The following IMMP2L variants were observed in gnomAD, a reference collection of about 807,000 sequenced individuals.
IMMP2L encodes the protein mitochondrial inner membrane protease subunit 2.
A neutral mutation model predicts 19.3 loss-of-function variants in IMMP2L; 18 were observed. That is an observed-to-expected ratio of 0.93 (90% confidence interval 0.64 to 1.38). The LOEUF (loss-of-function observed/expected upper bound fraction) is 1.38, where lower values mean the gene tolerates loss of function less well. IMMP2L is among the 40% of genes most tolerant of loss of function. The pLI, the probability that IMMP2L is intolerant of heterozygous loss-of-function variation, is 0.00. For synonymous variants in IMMP2L, 76 were observed against 73.0 expected (o/e 1.04, Z -0.21); for missense variants, 233 against 218.2 (o/e 1.07, Z -0.43).
chr7:111,023,186 G>C (rs1379493467), intron 3 of IMMP2L, among the ~76,000 whole-genome samples: 1 of 152,162 alleles, frequency 6.6e-6, no homozygotes, highest in Non-Finnish European at 1.5e-5. Flanking sequence ...GCAAGTTCTG[G>C]TACTTGCTTA....
intron 3 of IMMP2L, among the ~76,000 whole-genome samples, chr7:111,351,592 T>A (rs1828168600): frequency 6.6e-6 from 1 of 152,202 alleles, no homozygotes; most frequent in South Asian, 2.1e-4. Context: ...AGTTCTTTCA[T>A]ATCTGATAAA....
intron 4 of IMMP2L, among the ~76,000 whole-genome samples, chr7:110,956,653 G>A (rs1818385379): frequency 6.6e-6 from 1 of 151,620 alleles, no homozygotes; most frequent in South Asian, 2.1e-4. Flanking sequence ...AAGTTATATG[G>A]TCATCTTCTT....
At chr7:111,389,690 C>T (rs1832144386) in intron 3 of IMMP2L, among the ~76,000 whole-genome samples, 1 of 151,906 alleles carries the variant, frequency 6.6e-6, no homozygotes, top group Non-Finnish European at 1.5e-5. Flanking sequence ...ACTATTCTTG[C>T]AATGTTTCTA....
At position 110,797,141 on chromosome 7, in the gene IMMP2L, T is replaced by C. The variant is rs573101286; in HGVS notation, c.408+89452A>G. Among the ~76,000 whole-genome samples, 6 of 152,102 alleles carry C rather than the reference T, an allele frequency of 3.9e-5. No homozygotes were observed. In the South Asian group the frequency reaches 1.2e-3, roughly 31 times the overall value. ...AGGTAAAGAGCAAGGTGATCTTTCA[T>C]GATCCTTTTCCTCAGGAAGCAACAG... On this transcript the variant is annotated intron_variant, in intron 5 of 5. Transcript: ENST00000405709.
intron 3 of IMMP2L, among the ~76,000 whole-genome samples, chr7:111,433,306 G>C (rs1198957896): frequency 6.6e-6 from 1 of 151,776 alleles, no homozygotes; most frequent in Non-Finnish European, 1.5e-5. Context: ...ACATACCCTA[G>C]ACTGGGCAAT....
intron 3 of IMMP2L, among the ~76,000 whole-genome samples, chr7:111,266,327 G>A (rs1471664308): frequency 6.6e-6 from 1 of 152,058 alleles, no homozygotes; most frequent in Non-Finnish European, 1.5e-5. Flanking sequence ...TGGATCACTT[G>A]AGGTCAGGAG....
At chr7:111,159,458 G>C (rs868338363) in intron 3 of IMMP2L, among the ~76,000 whole-genome samples, 3,276 of 152,050 alleles carry the variant, frequency 0.022, 112 homozygotes, top group African/African-American at 0.075. Context: ...CATTTATCTG[G>C]TTGATGTGTT....
At chr7:111,445,894 G>T (rs1483510232) in intron 3 of IMMP2L, among the ~76,000 whole-genome samples, 2 of 152,204 alleles carry the variant, frequency 1.3e-5, no homozygotes, top group Non-Finnish European at 2.9e-5. Context: ...GCCTCACCTG[G>T]GAAGCGCAAG....
rs183636177 is a variant in IMMP2L, at chr7:111,336,463, A to T, written c.239+150775T>A. Among the ~76,000 whole-genome samples, 31 of 152,174 alleles carry T rather than the reference A, an allele frequency of 2.0e-4. No individual in the cohort carries two copies. In the East Asian group the frequency reaches 4.8e-3, roughly 24 times the overall value. On this transcript the variant is annotated intron_variant, in intron 3 of 5. Transcript: ENST00000405709. ...CTCAACCTAACTTGTAGTCTCAACC[A>T]TATTTTTATATGTTTTATCTATCTT...
At chr7:111,147,914 C>A (rs10237613) in intron 3 of IMMP2L, among the ~76,000 whole-genome samples, 1 of 151,976 alleles carries the variant, frequency 6.6e-6, no homozygotes, top group African/African-American at 2.4e-5. Context: ...GCTTTCTATG[C>A]TTTTAAATTG....
intron 5 of IMMP2L, among the ~76,000 whole-genome samples, chr7:110,714,528 C>T (rs367874502): frequency 1.3e-5 from 2 of 152,060 alleles, no homozygotes; most frequent in South Asian, 4.1e-4. Flanking sequence ...ACAATTGGTA[C>T]CAGGTCTTAC....
intron 4 of IMMP2L, among the ~76,000 whole-genome samples, chr7:110,939,388 CAAAA>C (rs58982346): frequency 2.4e-5 from 3 of 125,656 alleles, no homozygotes; most frequent in African/African-American, 8.7e-5. Context: ...TGCAAAATTG[CAAAA>C]AAAAAAAAAA....
At chr7:111,098,355 T>C (rs554741323) in intron 3 of IMMP2L, among the ~76,000 whole-genome samples, 2 of 151,838 alleles carry the variant, frequency 1.3e-5, no homozygotes, top group Non-Finnish European at 2.9e-5. Flanking sequence ...CCAAACCATT[T>C]CCTCAATCAA....
chr7:111,384,160 G>T lies in IMMP2L; in HGVS notation c.239+103078C>A, dbSNP rs968783704. Among the ~76,000 whole-genome samples the T allele has an allele frequency of 2.0e-5, 3 of 151,690 alleles. No individual in the cohort carries two copies. In the East Asian group the frequency reaches 5.8e-4, roughly 29 times the overall value. On this transcript the variant is annotated intron_variant, in intron 3 of 5. Coordinates refer to ENST00000405709, the MANE Select transcript of IMMP2L (RefSeq NM_032549.4). ...GCCCCCATCTCTAAATGATGAAGAA[G>T]AAGGAGGAGAAAGGAGGAGAAGGAG...
intron 3 of IMMP2L, among the ~76,000 whole-genome samples, chr7:111,429,462 A>G (rs1414381985): frequency 2.0e-5 from 3 of 151,848 alleles, no homozygotes; most frequent in African/African-American, 7.3e-5. Flanking sequence ...GGAAGCTTCC[A>G]CACCCACATC....
At chr7:111,205,520 T>A (rs1238915025) in intron 3 of IMMP2L, among the ~76,000 whole-genome samples, 1 of 152,146 alleles carries the variant, frequency 6.6e-6, no homozygotes, top group African/African-American at 2.4e-5. Flanking sequence ...TTATACAGAT[T>A]AAAGGTCTCT....
In IMMP2L at chr7:110,781,104, T is replaced by A. The variant is rs144479412; in HGVS notation, c.408+105489A>T. On this transcript the variant is annotated intron_variant, in intron 5 of 5. Coordinates refer to ENST00000405709, the MANE Select transcript of IMMP2L (RefSeq NM_032549.4). Reference sequence around the variant, plus strand: ...TCATGAGTTTATAAGAATTTGTAGATCACTGAAAAGGCTTTTAGTTATACA... The same window carrying A: ...TCATGAGTTTATAAGAATTTGTAGAACACTGAAAAGGCTTTTAGTTATACA... Among the ~76,000 whole-genome samples the A allele has an allele frequency of 3.1e-4, 47 of 152,102 alleles. No homozygotes were observed. In the East Asian group the frequency reaches 8.6e-3, roughly 28 times the overall value.
intron 3 of IMMP2L, among the ~76,000 whole-genome samples, chr7:111,040,245 A>T (rs1304471823): frequency 6.6e-6 from 1 of 152,340 alleles, no homozygotes; most frequent in Non-Finnish European, 1.5e-5. Flanking sequence ...TCCAAAAATT[A>T]TTTATTTGAA....
chr7:111,513,638 AG>A (rs1355407706), intron 2 of IMMP2L, among the ~76,000 whole-genome samples: 1 of 152,178 alleles, frequency 6.6e-6, no homozygotes, highest in Non-Finnish European at 1.5e-5. Flanking sequence ...AGTAAGTCAA[AG>A]AAATATCTTC....
Sources: gnomAD v4.1 joint callset for allele counts (sites outside exome capture counted in the v4.1 genomes callset) on GRCh38, gnomAD v4.1.1 for gene constraint, MANE v1.5 for transcripts, NCBI Gene and HGNC (gene_info 2026-07-23, HGNC 2026-07-21) for gene names.